ASB18: variants seen among roughly 807,000 people sequenced by gnomAD.
The protein encoded by ASB18 is ankyrin repeat and SOCS box containing 18.
Under a neutral mutation model 33.4 loss-of-function variants are expected in ASB18, and 33 were observed. The ratio of observed to expected loss-of-function variants is 0.99; its 90% CI spans 0.75 to 1.32. The LOEUF is 1.32. ASB18 is among the 40% of genes most tolerant of loss of function. ASB18 has a pLI of 0.00. For missense variants in ASB18, 694 were observed against 655.5 expected, an observed-to-expected ratio of 1.06 and a Z score of -0.64; for synonymous variants, 295 against 307.6, an observed-to-expected ratio of 0.96 and a Z score of 0.43.
intron 1 of ASB18, among the ~76,000 whole-genome samples, chr2:236,243,378 G>T (rs1559336809): frequency 6.6e-6 from 1 of 151,130 alleles, no homozygotes; most frequent in Admixed American, 6.6e-5. Context: ...AGTGAAGCTT[G>T]TCTTTCTCGG....
In ASB18 at chr2:236,228,690, C is replaced by T. The variant is rs557932105; in HGVS notation, c.596+8999G>A. On this transcript the variant is annotated intron_variant, in intron 3 of 5. Transcript: ENST00000409749. The surrounding 1 kb of genome is among the most constrained non-coding windows in gnomAD (Gnocchi z 5.1). ...CAGGTTCAGGAATAGTGGCTGGTTT[C>T]AGCAACCAAAGTGTGAAACCTTATA... 6.6e-6 allele frequency among the ~76,000 whole-genome samples: 1 copy of T among 152,220 alleles called. No individual in the cohort carries two copies. Among genetic ancestry groups the T allele is most frequent in the South Asian group, 2.1e-4 (1 of 4,826 alleles).
Position 236,215,017 on chromosome 2 carries a change from C to T in ASB18, c.597-151G>A, listed in dbSNP as rs1247962406. On this transcript the variant is annotated intron_variant, in intron 3 of 5. Coordinates refer to ENST00000409749, the MANE Select transcript of ASB18 (RefSeq NM_212556.4). This position sits in a 1 kb window ranked among gnomAD's most constrained non-coding sequence, Gnocchi z 7.2. ...CAAGGCGTCAGGAGTTCAAACTAAA[C>T]TGGAAAAAAAAAAAAAAAAAAAGAG... 5.5e-5 allele frequency among the ~76,000 whole-genome samples: 6 copies of T among 109,814 alleles called. No individual in the cohort carries two copies. The highest frequency in any genetic ancestry group is 2.7e-4 in the Admixed American group (3 of 10,982). The allele number at this position is 109,814 out of a possible 152,430, so 72.0% of individuals were successfully genotyped here.
rs147784501 is a variant in ASB18 at position 236,241,508 on chromosome 2, G to T, written c.206-106C>A. The T allele has an allele frequency of 2.2e-6, 3 of 1,372,510 alleles. No individual in the cohort carries two copies. Among genetic ancestry groups the T allele is most frequent in the African/African-American group, 1.4e-5 (1 of 70,242 alleles). The allele number at this position is 1,372,510 out of a possible 1,614,324, so 85.0% of individuals were successfully genotyped here. A position where few individuals can be genotyped will look rare whatever the true frequency, so the allele number is the denominator to read the frequency against. On this transcript the variant is annotated intron_variant, in intron 1 of 5. Transcript: ENST00000409749. This position sits in a 1 kb window ranked among gnomAD's most constrained non-coding sequence, Gnocchi z 4.2. ...TGAAGTTTTCCTCTCACTGGCCCTG[G>T]CTGTCTCTCCATTGAGATGCCGTCG...
At position 236,259,140 on chromosome 2, in the gene ASB18, A is replaced by G. The variant is rs1031824917; in HGVS notation, c.205+5001T>C. On this transcript the variant is annotated intron_variant, in intron 1 of 5. Transcript: ENST00000409749. The surrounding 1 kb of genome is among the most constrained non-coding windows in gnomAD (Gnocchi z 4.4). Reference sequence around the variant, plus strand: ...TGGTATTGAAAAGAGGCAAGCACAAATAATGCAGTTGTTGCTAATATTAAA... The same window carrying G: ...TGGTATTGAAAAGAGGCAAGCACAAGTAATGCAGTTGTTGCTAATATTAAA... Among the ~76,000 whole-genome samples the G allele has an allele frequency of 3.3e-5, 5 of 152,206 alleles. No homozygotes were observed. The highest frequency in any genetic ancestry group is 2.0e-4 in the Admixed American group (3 of 15,276).
At chr2:236,233,776 G>T (rs2060577107) in intron 3 of ASB18, among the ~76,000 whole-genome samples, 1 of 152,046 alleles carries the variant, frequency 6.6e-6, no homozygotes, top group Non-Finnish European at 1.5e-5. Flanking sequence ...ATAAATGGAG[G>T]AGTATATTGT....
rs1054202644 is a variant in ASB18, at chr2:236,239,673, C to T, written c.328+1607G>A. ...GGCTGGATGGGCCAGCATTCTATCACGGAGGGGCACCGAGGTGGTGGCCAC... is the reference window on the plus strand; with the variant it reads ...GGCTGGATGGGCCAGCATTCTATCATGGAGGGGCACCGAGGTGGTGGCCAC... On this transcript the variant is annotated intron_variant, in intron 2 of 5. Transcript: ENST00000409749. This position sits in a 1 kb window ranked among gnomAD's most constrained non-coding sequence, Gnocchi z 5.6. Among the ~76,000 whole-genome samples, 10 of 152,208 alleles carry T rather than the reference C, an allele frequency of 6.6e-5. No homozygotes were observed. Among genetic ancestry groups the T allele is most frequent in the Admixed American group, 3.9e-4 (6 of 15,288 alleles).
In ASB18 at chr2:236,200,164, T is replaced by C. The variant is rs955000518; in HGVS notation, c.1102-3779A>G. On this transcript the variant is annotated intron_variant, in intron 4 of 5. Transcript: ENST00000409749. The surrounding 1 kb of genome is among the most constrained non-coding windows in gnomAD (Gnocchi z 4.2). ...GAGTTCGATACTAGCCTGGCCAACA[T>C]GGTGAAGCTCCATCTCTACTAAAAA... Among the ~76,000 whole-genome samples, 1 of 152,000 alleles carries C rather than the reference T, an allele frequency of 6.6e-6. No homozygotes were observed. The highest frequency in any genetic ancestry group is 2.4e-5 in the African/African-American group (1 of 41,392).
rs1220602298 is a variant in ASB18 at position 236,257,458 on chromosome 2, A to G, written c.205+6683T>C. Among the ~76,000 whole-genome samples, 1 of 152,052 alleles carries G rather than the reference A, an allele frequency of 6.6e-6. No homozygotes were observed. The highest frequency in any genetic ancestry group is 1.9e-4 in the East Asian group (1 of 5,188). ...AGCCTAGCACCCCACTTACTTGCCC[A>G]TGATTTTTTGGGATTATTTTTGCTC... is the stretch of plus-strand genomic sequence containing the variant. On this transcript the variant is annotated intron_variant, in intron 1 of 5. Transcript: ENST00000409749. This position sits in a 1 kb window ranked among gnomAD's most constrained non-coding sequence, Gnocchi z 5.5.
rs1040939415 is a variant in ASB18, at chr2:236,229,675, C to G, written c.596+8014G>C. On this transcript the variant is annotated intron_variant, in intron 3 of 5. Transcript: ENST00000409749. This position sits in a 1 kb window ranked among gnomAD's most constrained non-coding sequence, Gnocchi z 5.2. ...TGGCCAACATGGTGAAATCCTGGCT[C>G]TACTAAACATACAAAAATTAGCTGG... Among the ~76,000 whole-genome samples the G allele has an allele frequency of 2.6e-5, 4 of 152,000 alleles. No individual in the cohort carries two copies. Among genetic ancestry groups the G allele is most frequent in the Non-Finnish European group, 5.9e-5 (4 of 68,004 alleles).
chr2:236,250,743 A>G lies in ASB18; in HGVS notation c.206-9341T>C, dbSNP rs1234988217. On this transcript the variant is annotated intron_variant, in intron 1 of 5. Coordinates refer to ENST00000409749, the MANE Select transcript of ASB18 (RefSeq NM_212556.4). The surrounding 1 kb of genome is among the most constrained non-coding windows in gnomAD (Gnocchi z 4.1). Reference sequence around the variant, plus strand: ...TTTCCTTCACCCCACTTCCTGCAGAATTAAAAAAATATATTTTAAAAGTAA... The same window carrying G: ...TTTCCTTCACCCCACTTCCTGCAGAGTTAAAAAAATATATTTTAAAAGTAA... The G allele has an allele frequency of 8.5e-5, 13 of 152,204 alleles. No individual in the cohort carries two copies. Among genetic ancestry groups the G allele is most frequent in the Non-Finnish European group, 1.3e-4 (9 of 68,040 alleles). 9.4% of individuals were successfully genotyped at this position (152,204 alleles called of 1,614,324 possible). A position where few individuals can be genotyped will look rare whatever the true frequency, so the allele number is the denominator to read the frequency against.
At position 236,252,027 on chromosome 2, in the gene ASB18, T is replaced by C. The variant is rs1175606612; in HGVS notation, c.206-10625A>G. Among the ~76,000 whole-genome samples, 2 of 151,984 alleles carry C rather than the reference T, an allele frequency of 1.3e-5. No individual in the cohort carries two copies. The highest frequency in any genetic ancestry group is 4.8e-5 in the African/African-American group (2 of 41,370). ...GGCTCATGCCTGTAATCCCAGCACTTTGGGAGGCTGAGGCAGGTGAATCAC... is the reference window on the plus strand; with the variant it reads ...GGCTCATGCCTGTAATCCCAGCACTCTGGGAGGCTGAGGCAGGTGAATCAC... On this transcript the variant is annotated intron_variant, in intron 1 of 5. Transcript: ENST00000409749. This position sits in a 1 kb window ranked among gnomAD's most constrained non-coding sequence, Gnocchi z 7.9.
rs1014759392 is a variant in ASB18, at chr2:236,234,951, C to T, written c.596+2738G>A. Among the ~76,000 whole-genome samples, 1 of 152,064 alleles carries T rather than the reference C, an allele frequency of 6.6e-6. No individual in the cohort carries two copies. Among genetic ancestry groups the T allele is most frequent in the Non-Finnish European group, 1.5e-5 (1 of 68,016 alleles). On this transcript the variant is annotated intron_variant, in intron 3 of 5. Transcript: ENST00000409749. The surrounding 1 kb of genome is among the most constrained non-coding windows in gnomAD (Gnocchi z 4.1). ...GAGAAAAAATGGATAAACTGGACTCCATAAAAATTAAGAACTTCTGTTCTT... is the reference window on the plus strand; with the variant it reads ...GAGAAAAAATGGATAAACTGGACTCTATAAAAATTAAGAACTTCTGTTCTT...
At chr2:236,199,936 C>A (rs1056360220) in intron 4 of ASB18, among the ~76,000 whole-genome samples, 25 of 152,116 alleles carry the variant, frequency 1.6e-4, no homozygotes, top group African/African-American at 5.8e-4. Flanking sequence ...TGGTTATTGG[C>A]ACATTTTATT....
In ASB18 at chr2:236,220,936, A is replaced by G. The variant is rs1002102842; in HGVS notation, c.597-6070T>C. Among the ~76,000 whole-genome samples the G allele has an allele frequency of 2.6e-5, 4 of 152,152 alleles. No individual in the cohort carries two copies. The highest frequency in any genetic ancestry group is 9.7e-5 in the African/African-American group (4 of 41,436). ...TCCTGGACAGACTCACCGACAGGAC[A>G]CTGAAGGCAGGGCAAGGCGACCCAT... On this transcript the variant is annotated intron_variant, in intron 3 of 5. Coordinates refer to ENST00000409749, the MANE Select transcript of ASB18 (RefSeq NM_212556.4). This position sits in a 1 kb window ranked among gnomAD's most constrained non-coding sequence, Gnocchi z 5.1.
Position 236,252,359 on chromosome 2 carries a change from G to A in ASB18, c.206-10957C>T, listed in dbSNP as rs748871558. Reference sequence around the variant, plus strand: ...TGTTGAATTGAGTGGGAGGGCAGACGTGGCCACCATCAACTAGCGGTGGAA... The same window carrying A: ...TGTTGAATTGAGTGGGAGGGCAGACATGGCCACCATCAACTAGCGGTGGAA... On this transcript the variant is annotated intron_variant, in intron 1 of 5. Transcript: ENST00000409749. The surrounding 1 kb of genome is among the most constrained non-coding windows in gnomAD (Gnocchi z 7.9). 2.0e-5 allele frequency among the ~76,000 whole-genome samples: 3 copies of A among 151,710 alleles called. No homozygotes were observed. The highest frequency in any genetic ancestry group is 4.4e-5 in the Non-Finnish European group (3 of 67,956).
rs1231675671 is a variant in ASB18 at position 236,204,296 on chromosome 2, G to T, written c.1102-7911C>A. On this transcript the variant is annotated intron_variant, in intron 4 of 5. Transcript: ENST00000409749. The surrounding 1 kb of genome is among the most constrained non-coding windows in gnomAD (Gnocchi z 5.1). ...TTGCTGTGTCAGCCACGCCTGACATGTTGACGATGTCTTCCACCTCAATGC... is the reference window on the plus strand; with the variant it reads ...TTGCTGTGTCAGCCACGCCTGACATTTTGACGATGTCTTCCACCTCAATGC... Among the ~76,000 whole-genome samples the T allele has an allele frequency of 2.0e-5, 3 of 152,168 alleles. No individual in the cohort carries two copies. The highest frequency in any genetic ancestry group is 7.2e-5 in the African/African-American group (3 of 41,450).
rs1337086165 is a variant in ASB18, at chr2:236,250,029, G to A, written c.206-8627C>T. The A allele has an allele frequency of 6.6e-6, 1 of 152,204 alleles. No homozygotes were observed. Among genetic ancestry groups the A allele is most frequent in the Non-Finnish European group, 1.5e-5 (1 of 68,040 alleles). 9.4% of individuals were successfully genotyped at this position (152,204 alleles called of 1,614,324 possible). A position where few individuals can be genotyped will look rare whatever the true frequency, so the allele number is the denominator to read the frequency against. ...TTTATAATTGAGTCCTATAGTGTAG[G>A]TAGCTAATGAGAAGGAGTTTTTGCC... is the stretch of plus-strand genomic sequence containing the variant. On this transcript the variant is annotated intron_variant, in intron 1 of 5. Transcript: ENST00000409749. This position sits in a 1 kb window ranked among gnomAD's most constrained non-coding sequence, Gnocchi z 4.1.
rs1035890577 is a variant in ASB18, at chr2:236,214,475, G to A, written c.988C>T (p.Leu330=). Reference sequence around the variant, plus strand: ...GATGCGGTCTGGAGCACGCGGCCCAGCGGCGAGGCCCCGCCATAGTCGAGC... The same window carrying A: ...GATGCGGTCTGGAGCACGCGGCCCAACGGCGAGGCCCCGCCATAGTCGAGC... The part of the protein sequence containing the change: ...GALDYGGASP[L]GRVLQTASCA... The change falls in exon 4 of 6, where the codon CTG becomes TTG. Residue 330 remains leucine, a synonymous_variant. Transcript: ENST00000409749. The surrounding 1 kb of genome is among the most constrained non-coding windows in gnomAD (Gnocchi z 6.5). 1.3e-5 allele frequency: 20 copies of A among 1,511,210 alleles called. No individual in the cohort carries two copies. Among genetic ancestry groups the A allele is most frequent in the East Asian group, 5.2e-5 (2 of 38,428 alleles). 93.6% of individuals were successfully genotyped at this position (1,511,210 alleles called of 1,614,324 possible).
In ASB18 at chr2:236,215,003, G is replaced by T; in HGVS notation, c.597-137C>A. 1 of 486,500 alleles carries T rather than the reference G, an allele frequency of 2.1e-6. No homozygotes were observed. The highest frequency in any genetic ancestry group is 3.0e-6 in the Non-Finnish European group (1 of 337,500). The allele number at this position is 486,500 out of a possible 1,614,324, so 30.1% of individuals were successfully genotyped here. A position where few individuals can be genotyped will look rare whatever the true frequency, so the allele number is the denominator to read the frequency against. The stretch of plus-strand genomic sequence containing the variant: ...CCGCTCTCCCATACCAAGGCGTCAG[G>T]AGTTCAAACTAAACTGGAAAAAAAA... On this transcript the variant is annotated intron_variant, in intron 3 of 5. Coordinates refer to ENST00000409749, the MANE Select transcript of ASB18 (RefSeq NM_212556.4). This position sits in a 1 kb window ranked among gnomAD's most constrained non-coding sequence, Gnocchi z 7.2.
Sources: gnomAD v4.1 joint callset for allele counts (sites outside exome capture counted in the v4.1 genomes callset) on GRCh38, gnomAD v4.1.1 for gene constraint, Gnocchi (gnomAD v3.1) non-coding constraint, MANE v1.5 for transcripts, NCBI Gene and HGNC (gene_info 2026-07-23, HGNC 2026-07-21) for gene names.